The following ANKRD28 variants were observed in gnomAD, a reference collection of about 807,000 sequenced individuals.
ANKRD28 encodes serine/threonine-protein phosphatase 6 regulatory ankyrin repeat subunit A.
A neutral mutation model predicts 126.5 loss-of-function variants in ANKRD28; 44 were observed. The ratio of observed to expected loss-of-function variants is 0.35; its 90% confidence interval spans 0.27 to 0.45. ANKRD28 has a LOEUF of 0.45. ANKRD28 is among the 20% of genes least tolerant of loss of function. The pLI is 1.00. For synonymous variants in ANKRD28, 442 were observed against 468.5 expected (o/e 0.94, Z 0.73); for missense variants, 1,110 against 1,316.6 (o/e 0.84, Z 2.43).
At position 15,737,208 on chromosome 3, in the gene ANKRD28, T is replaced by G. The variant is rs1437508450; in HGVS notation, c.377A>C (p.His126Pro). The change falls in exon 5 of 28, where the codon CAT becomes CCT. Residue 126 changes from histidine (H) to proline (P), a missense_variant. Coordinates refer to ENST00000683139, the MANE Select transcript of ANKRD28 (RefSeq NM_001349278.2). ...GTCTCGAGCATTAACATCTGCAGAA[T>G]GCTTCAAAAGTACCTGAACTGCTTC... Reference protein sequence around the residue: ...SEEAVQVLLKHSADVNARDKN... With the variant: ...SEEAVQVLLKPSADVNARDKN... The G allele has an allele frequency of 6.2e-7, 1 of 1,613,948 alleles. No homozygotes were observed. The highest frequency in any genetic ancestry group is 8.5e-7 in the Non-Finnish European group (1 of 1,179,864).
intron 7 of ANKRD28, 147 bp downstream of exon 7, chr3:15,724,235 G>A (rs1227094966): frequency 1.5e-6 from 1 of 661,968 alleles, no homozygotes; most frequent in African/African-American, 1.8e-5. Context: ...CAGTGCACTA[G>A]ATATTATGTA....
chr3:15,798,248 T>C (rs2060367570), upstream of ANKRD28: 2 of 810,654 alleles, frequency 2.5e-6, no homozygotes, highest in African/African-American at 1.9e-5. Context: ...ATAAAGCAAA[T>C]GTTTAACCCT....
intron 1 of ANKRD28, among the ~76,000 whole-genome samples, chr3:15,832,592 G>A (rs1433971825): frequency 1.3e-5 from 2 of 152,208 alleles, no homozygotes; most frequent in East Asian, 3.8e-4. Flanking sequence ...TCCAACAGGT[G>A]ATTTTTCAAC....
intron 1 of ANKRD28, among the ~76,000 whole-genome samples, chr3:15,821,963 T>G (rs1234920825): frequency 6.6e-6 from 1 of 152,150 alleles, no homozygotes; most frequent in East Asian, 1.9e-4. Flanking sequence ...CTCTCATCTG[T>G]GTGTAACAGG....
At chr3:15,786,638 A>G (rs1047409555) in intron 2 of ANKRD28, among the ~76,000 whole-genome samples, 3 of 152,150 alleles carry the variant, frequency 2.0e-5, no homozygotes, top group East Asian at 1.9e-4. Flanking sequence ...TATCTCAATA[A>G]AAGTTTAAAA....
At chr3:15,792,223 A>T (rs901464659) in intron 2 of ANKRD28, among the ~76,000 whole-genome samples, 1 of 152,218 alleles carries the variant, frequency 6.6e-6, no homozygotes, top group Admixed American at 6.5e-5. Flanking sequence ...TGCTGGGTAT[A>T]TATCCAAAAT....
At position 15,812,774 on chromosome 3, in the gene ANKRD28, C is replaced by A. The variant is rs940325759; in HGVS notation, c.28-17468G>T. Reference sequence around the variant, plus strand: ...TACCAACAGCCATCCCACAGAACAACAAATAAGTCATTCTATGTACTTTTT... The same window carrying A: ...TACCAACAGCCATCCCACAGAACAAAAAATAAGTCATTCTATGTACTTTTT... On this transcript the variant is annotated intron_variant, in intron 1 of 27. Coordinates refer to the ANKRD28 transcript ENST00000399451. This position sits in a 1 kb window ranked among gnomAD's most constrained non-coding sequence, Gnocchi z 4.1. Among the ~76,000 whole-genome samples, 14 of 152,160 alleles carry A rather than the reference C, an allele frequency of 9.2e-5. No individual in the cohort carries two copies. Among genetic ancestry groups the A allele is most frequent in the African/African-American group, 3.1e-4 (13 of 41,432 alleles).
chr3:15,805,534 T>C (rs1229548895), intron 1 of ANKRD28, among the ~76,000 whole-genome samples: 1 of 152,218 alleles, frequency 6.6e-6, no homozygotes, highest in Admixed American at 6.5e-5. Flanking sequence ...CTCTGAAATC[T>C]ACATTATTAT....
intron 2 of ANKRD28, among the ~76,000 whole-genome samples, chr3:15,771,271 G>A (rs531176970): frequency 3.3e-5 from 5 of 152,088 alleles, no homozygotes; most frequent in East Asian, 1.9e-4. Context: ...TTAGCCAGGC[G>A]TGGTGGCGGG....
At position 15,679,367 on chromosome 3, in the gene ANKRD28, C is replaced by T; in HGVS notation, c.2495G>A (p.Gly832Asp). Residue 832 changes from glycine (G) to aspartate (D), a missense_variant, in exon 23 of 28, where the codon GGT (glycine) becomes GAT (aspartate). Coordinates refer to ENST00000683139, the MANE Select transcript of ANKRD28 (RefSeq NM_001349278.2). The part of the protein sequence containing the change: ...LHCAVINDNE[G>D]AAEMLIDTLG... ...TGTATCAATTAACATCTCAGCAGCACCTTCGTTGTCATTTATCCTGTGTAA... is the reference window on the plus strand; with the variant it reads ...TGTATCAATTAACATCTCAGCAGCATCTTCGTTGTCATTTATCCTGTGTAA... The T allele has an allele frequency of 2.5e-6, 4 of 1,613,960 alleles. No individual in the cohort carries two copies. Among genetic ancestry groups the T allele is most frequent in the Non-Finnish European group, 3.4e-6 (4 of 1,179,866 alleles).
chr3:15,773,272 T>C (rs897237219), intron 2 of ANKRD28, among the ~76,000 whole-genome samples: 2 of 152,058 alleles, frequency 1.3e-5, no homozygotes, highest in African/African-American at 4.8e-5. Context: ...TAGAATAGCA[T>C]CAAAAGGTAA....
chr3:15,698,126 C>T (rs923128562), intron 14 of ANKRD28, among the ~76,000 whole-genome samples: 6 of 152,048 alleles, frequency 3.9e-5, no homozygotes, highest in Admixed American at 6.6e-5. Flanking sequence ...CTTCATTAGT[C>T]TTGCTAGCGG....
At chr3:15,732,522 G>C (rs968372565) in intron 6 of ANKRD28, 4 of 152,268 alleles carry the variant, frequency 2.6e-5, no homozygotes, top group Non-Finnish European at 5.9e-5. Context: ...ACACGCAAAA[G>C]TGTGTTGTGA....
intron 3 of ANKRD28, among the ~76,000 whole-genome samples, chr3:15,760,367 C>T (rs2058390444): frequency 6.6e-6 from 1 of 152,184 alleles, no homozygotes; most frequent in Non-Finnish European, 1.5e-5. Context: ...ACCTATATAA[C>T]ACACCTGTGC....
rs769951810 is a variant in ANKRD28, at chr3:15,694,719, G to T, written c.1761+20C>A. ...CAGTAAACCAGCAGCCATCAAGTCG[G>T]CTATGAAGGCAGTACTCACAGCCAA... On this transcript the variant is annotated intron_variant, in intron 17 of 27. Coordinates refer to ENST00000683139, the MANE Select transcript of ANKRD28 (RefSeq NM_001349278.2). 1 of 1,607,500 alleles carries T rather than the reference G, an allele frequency of 6.2e-7. No individual in the cohort carries two copies.
chr3:15,809,792 T>C (rs1162127396), intron 1 of ANKRD28, among the ~76,000 whole-genome samples: 1 of 152,242 alleles, frequency 6.6e-6, no homozygotes, highest in Admixed American at 6.5e-5. Context: ...AGATAAAATG[T>C]TGTCTACTTT....
chr3:15,761,284 G>A lies in ANKRD28; in HGVS notation c.280+4950C>T, dbSNP rs138329510. Reference sequence around the variant, plus strand: ...ATGTGGTGTTGGTAATTAACATGAAGTGTAAACACCTACACTAAATTTTCA... The same window carrying A: ...ATGTGGTGTTGGTAATTAACATGAAATGTAAACACCTACACTAAATTTTCA... On this transcript the variant is annotated intron_variant, in intron 3 of 27. Coordinates refer to ENST00000683139, the MANE Select transcript of ANKRD28 (RefSeq NM_001349278.2). Among the ~76,000 whole-genome samples, 518 of 152,188 alleles carry A rather than the reference G, an allele frequency of 3.4e-3. 3 individuals are homozygous for A. Among genetic ancestry groups the A allele is most frequent in the African/African-American group, 0.012 (500 of 41,528 alleles).
chr3:15,678,143 G>T, intron 24 of ANKRD28, 66 bp downstream of exon 24: 1 of 1,437,764 alleles, frequency 7.0e-7, no homozygotes, highest in Non-Finnish European at 9.3e-7. Flanking sequence ...AGAAGTCTTG[G>T]GATCTAAGTT....
At chr3:15,850,224 T>TATATATATATATAGAGAGAGAGAGAGAG (rs1418223588) in intron 1 of ANKRD28, among the ~76,000 whole-genome samples, 5 of 35,116 alleles carry the variant, frequency 1.4e-4, no homozygotes, top group Non-Finnish European at 1.8e-4. Flanking sequence ...TATATATATA[T>TATATATATATATAGAGAGAGAGAGAGAG]AGAGAGAGAG....
Sources: gnomAD v4.1 joint callset for allele counts (sites outside exome capture counted in the v4.1 genomes callset) on GRCh38, gnomAD v4.1.1 for gene constraint, Gnocchi (gnomAD v3.1) non-coding constraint, MANE v1.5 for transcripts, NCBI Gene and HGNC (gene_info 2026-07-23, HGNC 2026-07-21) for gene names.